ARHGAP31: variants seen among roughly 807,000 people sequenced by gnomAD.
ARHGAP31 encodes the protein Rho GTPase activating protein 31, also known as rho GTPase-activating protein 31.
ARHGAP31 carries 34 observed loss-of-function variants against 113.9 expected under a neutral mutation model. That is an observed-to-expected ratio of 0.30 (90% CI 0.23 to 0.40). ARHGAP31 has a LOEUF of 0.40. Ranked by LOEUF, ARHGAP31 falls within the 10% of genes least tolerant of loss-of-function variation. The pLI is 1.00. For missense variants in ARHGAP31, 1,548 were observed against 1,767.1 expected (o/e 0.88, Z 2.22); for synonymous variants, 650 against 684.8 (o/e 0.95, Z 0.79).
At chr3:119,296,470 C>A (rs2079535003) in intron 1 of ARHGAP31, among the ~76,000 whole-genome samples, 1 of 152,194 alleles carries the variant, frequency 6.6e-6, no homozygotes, top group Non-Finnish European at 1.5e-5. Context: ...ATGAAAGGTT[C>A]CTCTTCACCT....
chr3:119,365,503 A>G, intron 2 of ARHGAP31, 85 bp downstream of exon 2: 1 of 1,248,208 alleles, frequency 8.0e-7, no homozygotes, highest in Non-Finnish European at 1.2e-6. Flanking sequence ...CAGAGTATTA[A>G]AAACCCAAAG....
intron 1 of ARHGAP31, among the ~76,000 whole-genome samples, chr3:119,304,007 G>A (rs2079608996): frequency 6.6e-6 from 1 of 151,982 alleles, no homozygotes; most frequent in South Asian, 2.1e-4. Flanking sequence ...TGTTAGCCAG[G>A]CTGGTCTCAA....
intron 1 of ARHGAP31, among the ~76,000 whole-genome samples, chr3:119,306,391 TA>T (rs1052287710): frequency 1.2e-4 from 19 of 152,084 alleles, no homozygotes; most frequent in African/African-American, 4.6e-4. Flanking sequence ...CCATCTCTAC[TA>T]AAAAAATTAC....
At chr3:119,344,051 C>T (rs1034936555) in intron 1 of ARHGAP31, among the ~76,000 whole-genome samples, 9 of 63,724 alleles carry the variant, frequency 1.4e-4, no homozygotes, top group Admixed American at 6.2e-4. Context: ...TGGCCGGGGG[C>T]GCAAAGAGTG....
Position 119,311,083 on chromosome 3 carries a change from G to A in ARHGAP31, c.100+16079G>A, listed in dbSNP as rs74322925. Among the ~76,000 whole-genome samples the A allele has an allele frequency of 5.4e-3, 818 of 152,260 alleles. 7 individuals carry two copies. The highest frequency in any genetic ancestry group is 0.018 in the African/African-American group (739 of 41,546). ...CTCCAGCTCCCCATCACGCCTGTCC[G>A]TTTTAATGCCAGTAGATTCCCCAGT... is the stretch of plus-strand genomic sequence containing the variant. On this transcript the variant is annotated intron_variant, in intron 1 of 11. Transcript: ENST00000264245.
chr3:119,410,356 A>G (rs2080705101), intron 11 of ARHGAP31, among the ~76,000 whole-genome samples: 1 of 152,166 alleles, frequency 6.6e-6, no homozygotes, highest in Non-Finnish European at 1.5e-5. Flanking sequence ...AAGTGTGAGG[A>G]GGTTTTCCAG....
chr3:119,393,761 T>A (rs555125632), intron 8 of ARHGAP31, among the ~76,000 whole-genome samples, 170 bp downstream of exon 8: 82 of 152,334 alleles, frequency 5.4e-4, no homozygotes, highest in Middle Eastern at 3.4e-3. Flanking sequence ...CCAAAAAAAT[T>A]GCAAAAATAG....
At chr3:119,391,516 A>G (rs992013915) in intron 7 of ARHGAP31, among the ~76,000 whole-genome samples, 7 of 151,158 alleles carry the variant, frequency 4.6e-5, no homozygotes, top group African/African-American at 1.7e-4. Flanking sequence ...TAAATCAAGC[A>G]TTGTTTTCAT....
intron 4 of ARHGAP31, among the ~76,000 whole-genome samples, chr3:119,381,279 C>T (rs910046055): frequency 5.3e-5 from 8 of 152,148 alleles, no homozygotes; most frequent in African/African-American, 1.9e-4. Flanking sequence ...ATTCTTGGTT[C>T]ATACCCAGAT....
At chr3:119,366,426 C>CT (rs993027818) in intron 2 of ARHGAP31, among the ~76,000 whole-genome samples, 19 of 148,678 alleles carry the variant, frequency 1.3e-4, no homozygotes, top group Admixed American at 2.0e-4. Context: ...AATAGAGCAT[C>CT]TTTTTTTTTT....
chr3:119,382,209 C>A, intron 4 of ARHGAP31, 83 bp from the exon 5 acceptor site: 1 of 1,272,292 alleles, frequency 7.9e-7, no homozygotes, highest in Non-Finnish European at 1.1e-6. Context: ...TCTCTTAAAT[C>A]CAAACTTAGA....
At chr3:119,332,593 T>A (rs897179068) in intron 1 of ARHGAP31, among the ~76,000 whole-genome samples, 1 of 146,312 alleles carries the variant, frequency 6.8e-6, no homozygotes, top group Non-Finnish European at 1.5e-5. Context: ...GATCTCTTTC[T>A]CTCTCTCTCT....
intron 3 of ARHGAP31, among the ~76,000 whole-genome samples, chr3:119,371,346 C>T (rs1336533095): frequency 6.6e-6 from 1 of 152,178 alleles, no homozygotes; most frequent in East Asian, 1.9e-4. Flanking sequence ...TGTTTTCTCA[C>T]AGCAACTGAA....
chr3:119,404,968 G>A (rs529546748), intron 10 of ARHGAP31, among the ~76,000 whole-genome samples: 2 of 152,178 alleles, frequency 1.3e-5, no homozygotes, highest in Non-Finnish European at 2.9e-5. Context: ...AATTACAACC[G>A]ACACTCTCTG....
Position 119,402,001 on chromosome 3 carries a change from C to A in ARHGAP31, c.1249C>A (p.Arg417Ser). The A allele has an allele frequency of 3.7e-6, 6 of 1,614,138 alleles. No individual in the cohort carries two copies. Among genetic ancestry groups the A allele is most frequent in the African/African-American group, 1.3e-5 (1 of 75,022 alleles). The change falls in exon 10 of 12, where the codon CGC becomes AGC. Residue 417 changes from arginine to serine, a missense_variant. Arg to Ser is a moderately radical substitution (Grantham distance 110). Coordinates refer to ENST00000264245, the MANE Select transcript of ARHGAP31 (RefSeq NM_020754.4). Reference protein sequence around the residue: ...AEGGFDVSSDRSHLQGAQARP... With the variant: ...AEGGFDVSSDSSHLQGAQARP... ...GGGTGGCTTTGATGTGAGCAGTGAT[C>A]GCAGCCATCTCCAGGGCGCTCAGGC... is the stretch of plus-strand genomic sequence containing the variant.
intron 11 of ARHGAP31, among the ~76,000 whole-genome samples, chr3:119,413,301 C>T (rs7630587): frequency 0.83 from 121,981 of 146,554 alleles, 50,979 homozygotes; most frequent in African/African-American, 0.91. Context: ...TGGATGATAA[C>T]GCGAGACTCT....
chr3:119,319,012 C>G (rs2079759175), intron 1 of ARHGAP31, among the ~76,000 whole-genome samples: 1 of 151,984 alleles, frequency 6.6e-6, no homozygotes, highest in Non-Finnish European at 1.5e-5. Context: ...TCTAGTCTAT[C>G]TTGGGACTCA....
rs746937121 is a variant in ARHGAP31, at chr3:119,413,820, T to C, written c.1927-36T>C. The C allele has an allele frequency of 1.9e-5, 30 of 1,613,996 alleles. 1 individual carries two copies. In the East Asian group the frequency reaches 6.0e-4, roughly 32 times the overall value. ...CGCTGATGTCAGCACCCAGAGTACT[T>C]AGTTCTAAGACAATCAGTTTATTGA... On this transcript the variant is annotated intron_variant, in intron 11 of 11. Coordinates refer to ENST00000264245, the MANE Select transcript of ARHGAP31 (RefSeq NM_020754.4).
intron 1 of ARHGAP31, among the ~76,000 whole-genome samples, chr3:119,297,909 AACACACACACACACAC>A (rs10575145): frequency 3.5e-5 from 5 of 142,780 alleles, no homozygotes; most frequent in African/African-American, 1.3e-4. Flanking sequence ...TTTCCTTAGA[AACACACACACACACAC>A]ACACACACAC....
Sources: gnomAD v4.1 joint callset for allele counts (sites outside exome capture counted in the v4.1 genomes callset) on GRCh38, gnomAD v4.1.1 for gene constraint, MANE v1.5 for transcripts, NCBI Gene and HGNC (gene_info 2026-07-23, HGNC 2026-07-21) for gene names.